PTGER3: variants seen among roughly 807,000 people sequenced by gnomAD.
PTGER3 encodes prostaglandin E2 receptor EP3 subtype.
In PTGER3, 22 loss-of-function variants were observed where a neutral mutation model predicts 34.7. The observed-to-expected ratio is 0.63, with a 90% CI of 0.45 to 0.91. The LOEUF is 0.91. Among genes scored for constraint, PTGER3 ranks in the 40% least tolerant of loss-of-function variants. The probability of loss-of-function intolerance (pLI) is 0.00; values close to 1 mark genes in which losing one functional copy is unlikely to be tolerated. For missense variants in PTGER3, 468 were observed against 519.4 expected, an observed-to-expected ratio of 0.90 and a Z score of 0.96; for synonymous variants, 241 against 230.1, an observed-to-expected ratio of 1.05 and a Z score of -0.43.
intron 4 of PTGER3, among the ~76,000 whole-genome samples, chr1:70,887,045 T>C (rs1472057593): frequency 6.6e-6 from 1 of 152,178 alleles, no homozygotes; most frequent in Non-Finnish European, 1.5e-5. Flanking sequence ...TAATGAAACA[T>C]CTAGAAGTCT....
Position 70,971,450 on chromosome 1 carries a change from C to T in PTGER3, c.*280G>A. 2.7e-6 allele frequency: 3 copies of T among 1,131,526 alleles called. No individual in the cohort carries two copies. The highest frequency in any genetic ancestry group is 3.3e-6 in the Non-Finnish European group (3 of 922,544). 70.1% of individuals were successfully genotyped at this position (1,131,526 alleles called of 1,614,324 possible). ...CTCCTGGAACACAGGTCTTTCTTTT[C>T]ATCACTTTTCCTCCAATCATCATCT... On this transcript the variant is annotated 3_prime_UTR_variant, in exon 4 of 4. Transcript: ENST00000306666.
chr1:70,878,352 T>A (rs1221901659), intron 4 of PTGER3, among the ~76,000 whole-genome samples: 5 of 152,104 alleles, frequency 3.3e-5, no homozygotes, highest in Non-Finnish European at 5.9e-5. Context: ...TTTATTTGAA[T>A]CTTCTTTCCT....
chr1:70,983,284 G>GAAA (rs3044618), intron 2 of PTGER3, among the ~76,000 whole-genome samples: 88,387 of 147,852 alleles, frequency 0.6, 26,356 homozygotes, highest in Middle Eastern at 0.65. Context: ...TAATTAATCT[G>GAAA]AAAAAAAAAA....
At chr1:70,945,612 G>A (rs1185697603) in intron 4 of PTGER3, among the ~76,000 whole-genome samples, 1 of 151,922 alleles carries the variant, frequency 6.6e-6, no homozygotes, top group African/African-American at 2.4e-5. Context: ...GCTATATATT[G>A]CTTAAATTTG....
downstream of PTGER3, among the ~76,000 whole-genome samples, chr1:70,948,700 T>A (rs887544274): frequency 4.6e-5 from 7 of 152,182 alleles, no homozygotes; most frequent in African/African-American, 1.4e-4. Context: ...AGATTTTTTT[T>A]AATTATACAG....
intron 2 of PTGER3, among the ~76,000 whole-genome samples, chr1:70,994,912 G>A (rs1037659541): frequency 6.6e-6 from 1 of 152,110 alleles, no homozygotes; most frequent in East Asian, 1.9e-4. Flanking sequence ...GAAGCTGAAG[G>A]TCTGGGGAGG....
At chr1:70,903,395 A>G (rs1463115545) in intron 4 of PTGER3, among the ~76,000 whole-genome samples, 1 of 152,234 alleles carries the variant, frequency 6.6e-6, no homozygotes, top group Non-Finnish European at 1.5e-5. Context: ...TGAGATAGTA[A>G]TGACTAACAT....
exon 4 of PTGER3, chr1:70,952,953 C>T: frequency 6.2e-7 from 1 of 1,613,140 alleles, no homozygotes; most frequent in Non-Finnish European, 8.5e-7. Flanking sequence ...ATTAATGCTG[C>T]TCACGAGTAC....
intron 2 of PTGER3, among the ~76,000 whole-genome samples, chr1:70,991,026 A>G (rs183162260): frequency 1.8e-3 from 278 of 152,306 alleles, no homozygotes; most frequent in Non-Finnish European, 2.9e-3. Context: ...CTTCCTTCCA[A>G]TGTGCTTCTC....
intron 3 of PTGER3, among the ~76,000 whole-genome samples, chr1:70,953,438 G>T (rs552337362): frequency 6.6e-6 from 1 of 152,214 alleles, no homozygotes; most frequent in South Asian, 2.1e-4. Context: ...GGAGTCTAGT[G>T]ATGCTTGAAG....
At chr1:70,987,995 G>A (rs1655082900) in intron 2 of PTGER3, among the ~76,000 whole-genome samples, 1 of 152,132 alleles carries the variant, frequency 6.6e-6, no homozygotes, top group African/African-American at 2.4e-5. Context: ...TTGTGGTTAT[G>A]AAGCGTCTAA....
intron 2 of PTGER3, among the ~76,000 whole-genome samples, chr1:71,002,625 C>T (rs989042487): frequency 2.6e-5 from 4 of 152,130 alleles, no homozygotes; most frequent in African/African-American, 7.2e-5. Flanking sequence ...GAGAAAATCT[C>T]GGACAGGGAT....
At chr1:70,991,609 G>A (rs1655488959) in intron 2 of PTGER3, among the ~76,000 whole-genome samples, 1 of 152,098 alleles carries the variant, frequency 6.6e-6, no homozygotes, top group South Asian at 2.1e-4. Flanking sequence ...ATTTTGAAAT[G>A]GGCTACAATA....
intron 2 of PTGER3, among the ~76,000 whole-genome samples, chr1:70,956,134 G>T (rs999832386): frequency 3.3e-5 from 5 of 152,148 alleles, no homozygotes; most frequent in Non-Finnish European, 7.4e-5. Flanking sequence ...CGTGAATGTT[G>T]TTAAGTGGAT....
intron 4 of PTGER3, among the ~76,000 whole-genome samples, chr1:70,885,358 C>T (rs1646475873): frequency 6.6e-6 from 1 of 152,056 alleles, no homozygotes; most frequent in Non-Finnish European, 1.5e-5. Flanking sequence ...TTTCTTTTAA[C>T]AGTACAATGA....
chr1:70,925,862 T>G (rs1346193297), intron 4 of PTGER3, among the ~76,000 whole-genome samples: 1 of 152,124 alleles, frequency 6.6e-6, no homozygotes, highest in Non-Finnish European at 1.5e-5. Context: ...CATTTCATTA[T>G]TGAACTTTAT....
chr1:70,939,269 G>C (rs991084048), intron 4 of PTGER3, among the ~76,000 whole-genome samples: 1 of 152,182 alleles, frequency 6.6e-6, no homozygotes, highest in Admixed American at 6.5e-5. Context: ...CCATGGTCTT[G>C]GGCAGCTCCA....
At chr1:70,921,956 A>G (rs1156671454) in intron 4 of PTGER3, among the ~76,000 whole-genome samples, 2 of 152,240 alleles carry the variant, frequency 1.3e-5, no homozygotes, top group Non-Finnish European at 2.9e-5. Flanking sequence ...CTTTTAGTTC[A>G]TGTGACTTAA....
chr1:71,009,824 G>T lies in PTGER3; in HGVS notation c.1077+2481C>A, dbSNP rs957883865. ...TTGAAAGCCAATAAAATTAAACTTA[G>T]ACACGTCTTTCTGCTGTGACTACAT... On this transcript the variant is annotated intron_variant, in intron 2 of 3. Coordinates refer to ENST00000306666, the MANE Select transcript of PTGER3 (RefSeq NM_198719.2). 4 of 984,968 alleles carry T rather than the reference G, an allele frequency of 4.1e-6. No homozygotes were observed. The African/African-American group carries it at 7.0e-5, about 17-fold the overall frequency. 61.0% of individuals were successfully genotyped at this position (984,968 alleles called of 1,614,324 possible). A position where few individuals can be genotyped will look rare whatever the true frequency, so the allele number is the denominator to read the frequency against.
Sources: gnomAD v4.1 joint callset for allele counts (sites outside exome capture counted in the v4.1 genomes callset) on GRCh38, gnomAD v4.1.1 for gene constraint, MANE v1.5 for transcripts, NCBI Gene and HGNC (gene_info 2026-07-23, HGNC 2026-07-21) for gene names.